CELF2: variants seen among roughly 807,000 people sequenced by gnomAD.
CELF2 encodes CUGBP Elav-like family member 2.
CELF2 carries 8 observed loss-of-function variants against 62.6 expected under a neutral mutation model. The ratio of observed to expected loss-of-function variants is 0.13; its 90% CI spans 0.07 to 0.23. The LOEUF is 0.23. CELF2 is among the 10% of genes least tolerant of loss of function. The pLI, the probability that CELF2 is intolerant of heterozygous loss-of-function variation, is 1.00. For synonymous variants in CELF2, 258 were observed against 250.0 expected (o/e 1.03, Z -0.30); for missense variants, 333 against 671.0 (o/e 0.50, Z 5.56).
chr10:11,103,608 T>G (rs1396710216), intron 1 of CELF2, among the ~76,000 whole-genome samples: 2 of 151,726 alleles, frequency 1.3e-5, no homozygotes, highest in African/African-American at 4.9e-5. Context: ...AAGGTCGTCA[T>G]GATTATCTGA....
At position 11,184,217 on chromosome 10, in the gene CELF2, GTTTA is replaced by G. The variant is rs772743652; in HGVS notation, c.271+18540_271+18543del. ...AAATCAGTTGTCTGTATATGTGTCA[GTTTA>G]TTTAAAGACAGTCTGACCTGCTCCA... On this transcript the variant is annotated intron_variant, in intron 2 of 12. Transcript: ENST00000633077. 1.3e-4 allele frequency among the ~76,000 whole-genome samples: 20 copies of G among 152,170 alleles called. 1 individual carries two copies. The highest frequency in any genetic ancestry group is 4.1e-4 in the South Asian group (2 of 4,834).
intron 1 of CELF2, among the ~76,000 whole-genome samples, chr10:10,900,076 G>T (rs758966761): frequency 7.9e-5 from 12 of 152,136 alleles, no homozygotes; most frequent in Non-Finnish European, 1.6e-4. Flanking sequence ...TTTCTAATAA[G>T]AAACTGAATT....
chr10:10,479,714 A>G, the CELF2 span, among the ~76,000 whole-genome samples: 2 of 152,308 alleles, frequency 1.3e-5, no homozygotes, highest in East Asian at 3.9e-4. Flanking sequence ...TGGACACGTC[A>G]TTTAATATTT....
chr10:11,283,261 G>C (rs1359593490), intron 8 of CELF2, among the ~76,000 whole-genome samples: 1 of 152,214 alleles, frequency 6.6e-6, no homozygotes, highest in East Asian at 1.9e-4. Context: ...ATTTCATTCT[G>C]AATCTGGGCC....
Position 11,260,477 on chromosome 10 carries a change from G to A in CELF2, c.538+2605G>A, listed in dbSNP as rs963489291. Among the ~76,000 whole-genome samples, 4 of 152,162 alleles carry A rather than the reference G, an allele frequency of 2.6e-5. No individual in the cohort carries two copies. The highest frequency in any genetic ancestry group is 9.7e-5 in the African/African-American group (4 of 41,446). ...ACCTCCATGGGAAAGAGCAGGACAC[G>A]CAGTACTTAACAAGAGAACTTAGCT... On this transcript the variant is annotated intron_variant, in intron 5 of 12. Transcript: ENST00000633077. This position sits in a 1 kb window ranked among gnomAD's most constrained non-coding sequence, Gnocchi z 4.2.
At chr10:10,640,072 T>G in the CELF2 span, among the ~76,000 whole-genome samples, 1 of 152,314 alleles carries the variant, frequency 6.6e-6, no homozygotes, top group Non-Finnish European at 1.5e-5. Context: ...TCCCAATCCC[T>G]TAATGAATTC....
chr10:11,211,807 AGAGAGAGTGTGTGT>A lies in CELF2; in HGVS notation c.272-5616_272-5603del, dbSNP rs1415750540. Among the ~76,000 whole-genome samples, 483 of 120,706 alleles carry A rather than the reference AGAGAGAGTGTGTGT, an allele frequency of 4.0e-3. No individual in the cohort carries two copies. The highest frequency in any genetic ancestry group is 6.5e-3 in the Non-Finnish European group (379 of 58,018). The allele number at this position is 120,706 out of a possible 152,430, so 79.2% of individuals were successfully genotyped here. A position where few individuals can be genotyped will look rare whatever the true frequency, so the allele number is the denominator to read the frequency against. On this transcript the variant is annotated intron_variant, in intron 2 of 12. Coordinates refer to ENST00000633077, the MANE Select transcript of CELF2 (RefSeq NM_001326342.2). This position sits in a 1 kb window ranked among gnomAD's most constrained non-coding sequence, Gnocchi z 4.8. ...GTATGTGTGTGAGAGAGAGAGAGAG[AGAGAGAGTGTGTGT>A]GTGTGTGTGTGTGTGTGTGTGTGTG... is the stretch of plus-strand genomic sequence containing the variant.
rs373804494 is a variant in CELF2 at position 11,049,370 on chromosome 10, C to T, written c.74+31207C>T. Among the ~76,000 whole-genome samples the T allele has an allele frequency of 2.6e-4, 40 of 151,658 alleles. No homozygotes were observed. In the East Asian group the frequency reaches 6.2e-3, roughly 24 times the overall value. On this transcript the variant is annotated intron_variant, in intron 1 of 12. Transcript: ENST00000633077. ...TGGTGAATCCTATAGTCGTTTTACTCGTGTATTCTAATGTCAACAGGATTG... is the reference window on the plus strand; with the variant it reads ...TGGTGAATCCTATAGTCGTTTTACTTGTGTATTCTAATGTCAACAGGATTG...
At chr10:10,807,432 C>T (rs2055347505) in intron 1 of CELF2, among the ~76,000 whole-genome samples, 1 of 152,168 alleles carries the variant, frequency 6.6e-6, no homozygotes, top group African/African-American at 2.4e-5. Context: ...TCAAATAGGG[C>T]ATTCCATTCA....
chr10:10,890,773 G>T (rs2062079930), intron 1 of CELF2, among the ~76,000 whole-genome samples: 1 of 152,232 alleles, frequency 6.6e-6, no homozygotes, highest in African/African-American at 2.4e-5. Context: ...CCAGCACTTT[G>T]GGAGGCCAAA....
At chr10:11,053,348 C>T (rs954495831) in intron 1 of CELF2, among the ~76,000 whole-genome samples, 1 of 152,192 alleles carries the variant, frequency 6.6e-6, no homozygotes, top group African/African-American at 2.4e-5. Context: ...TTTTCTAGTG[C>T]ATGAATCCTC....
chr10:10,905,721 CA>C (rs1027077798), intron 1 of CELF2, among the ~76,000 whole-genome samples: 10 of 151,670 alleles, frequency 6.6e-5, no homozygotes, highest in African/African-American at 2.2e-4. Context: ...ACTAAAAATA[CA>C]AAAAAATTAG....
intron 2 of CELF2, among the ~76,000 whole-genome samples, chr10:10,926,384 C>T (rs1015572410): frequency 6.6e-6 from 1 of 152,310 alleles, no homozygotes; most frequent in East Asian, 1.9e-4. Flanking sequence ...CTTCTGCTGT[C>T]TGCCATGTGA....
At chr10:10,558,397 G>C in the CELF2 span, among the ~76,000 whole-genome samples, 1 of 151,984 alleles carries the variant, frequency 6.6e-6, no homozygotes, top group African/African-American at 2.4e-5. Flanking sequence ...ACTTGATCAT[G>C]GTGGATAAGC....
At position 11,046,995 on chromosome 10, in the gene CELF2, G is replaced by C. The variant is rs1452648254; in HGVS notation, c.74+28832G>C. Among the ~76,000 whole-genome samples the C allele has an allele frequency of 6.6e-6, 1 of 152,008 alleles. No homozygotes were observed. The highest frequency in any genetic ancestry group is 1.5e-5 in the Non-Finnish European group (1 of 67,994). ...TGTTTATTTCGCTCACATTTTCCTA[G>C]GTCTGAGCGCTGGAGTATTTCTTCA... On this transcript the variant is annotated intron_variant, in intron 1 of 12. Coordinates refer to ENST00000633077, the MANE Select transcript of CELF2 (RefSeq NM_001326342.2). The surrounding 1 kb of genome is among the most constrained non-coding windows in gnomAD (Gnocchi z 4.6).
chr10:10,965,144 T>C (rs1037749826), intron 2 of CELF2, among the ~76,000 whole-genome samples: 6 of 152,228 alleles, frequency 3.9e-5, no homozygotes, highest in Admixed American at 2.0e-4. Flanking sequence ...TATTATTTAT[T>C]TGTAAGGCAA....
intron 2 of CELF2, among the ~76,000 whole-genome samples, chr10:11,173,055 ATGTCTAGGCTGCC>A (rs79798046): frequency 0.28 from 42,736 of 151,940 alleles, 6,233 homozygotes; most frequent in South Asian, 0.34. Flanking sequence ...CACTGAGTGC[ATGTCTAGGCTGCC>A]TGTCTAGGCT....
intron 3 of CELF2, among the ~76,000 whole-genome samples, chr10:11,228,744 A>G (rs1290376707): frequency 1.6e-5 from 2 of 128,650 alleles, no homozygotes; most frequent in Admixed American, 1.6e-4. Flanking sequence ...AAAAAAAAAA[A>G]ACTTGGAACC....
At chr10:10,812,370 C>T (rs1346188622) in intron 1 of CELF2, among the ~76,000 whole-genome samples, 2 of 152,136 alleles carry the variant, frequency 1.3e-5, no homozygotes, top group Non-Finnish European at 2.9e-5. Flanking sequence ...CTTCCCACAA[C>T]ATGTGGAAAT....
Sources: allele counts gnomAD v4.1 joint callset (sites outside exome capture counted in the v4.1 genomes callset), GRCh38; gene constraint gnomAD v4.1.1; non-coding constraint Gnocchi (gnomAD v3.1); transcripts MANE v1.5; gene names NCBI Gene and HGNC (gene_info 2026-07-23, HGNC 2026-07-21).